RPH3AL: variants seen among roughly 807,000 people sequenced by gnomAD.
RPH3AL encodes the protein rab effector Noc2.
Under a neutral mutation model 43.1 loss-of-function variants are expected in RPH3AL, and 38 were observed. The observed-to-expected ratio is 0.88, with a 90% CI of 0.68 to 1.15. The LOEUF (loss-of-function observed/expected upper bound fraction) is 1.15, where lower values mean the gene tolerates loss of function less well. RPH3AL is among the 50% of genes most tolerant of loss of function. The pLI, the probability that RPH3AL is intolerant of heterozygous loss-of-function variation, is 0.00. For synonymous variants in RPH3AL, 189 were observed against 176.3 expected, an observed-to-expected ratio of 1.07 and a Z score of -0.57; for missense variants, 462 against 423.2, an observed-to-expected ratio of 1.09 and a Z score of -0.81.
In RPH3AL at chr17:248,133, G is replaced by A. The variant is rs115005844; in HGVS notation, c.439-848C>T. 3.4e-3 allele frequency among the ~76,000 whole-genome samples: 520 copies of A among 152,210 alleles called. 4 individuals are homozygous for A. Among genetic ancestry groups the A allele is most frequent in the African/African-American group, 0.012 (494 of 41,542 alleles). On this transcript the variant is annotated intron_variant, in intron 6 of 9. Transcript: ENST00000331302. ...CGTGTACCTGCAGACACCTCCTCCTGCCCCCAGCTCTCCTTGGTGCCATGC... is the reference window on the plus strand; with the variant it reads ...CGTGTACCTGCAGACACCTCCTCCTACCCCCAGCTCTCCTTGGTGCCATGC...
intron 7 of RPH3AL, among the ~76,000 whole-genome samples, chr17:243,307 T>C (rs1460996831): frequency 7.1e-6 from 1 of 140,568 alleles, no homozygotes. Flanking sequence ...TTACCTTTCC[T>C]CTACTGATTA....
chr17:271,319 AT>A (rs1290867233), intron 6 of RPH3AL, among the ~76,000 whole-genome samples: 1 of 152,230 alleles, frequency 6.6e-6, no homozygotes, highest in African/African-American at 2.4e-5. Context: ...GAAGAAAGTC[AT>A]TGGTAGCCTG....
chr17:262,273 C>T (rs905700260), intron 6 of RPH3AL, among the ~76,000 whole-genome samples: 3 of 152,080 alleles, frequency 2.0e-5, no homozygotes, highest in Non-Finnish European at 4.4e-5. Context: ...GGCTGGAGTG[C>T]AGCGGCACAA....
At chr17:262,506 A>AC (rs1429621337) in intron 6 of RPH3AL, among the ~76,000 whole-genome samples, 1 of 149,206 alleles carries the variant, frequency 6.7e-6, no homozygotes, top group Non-Finnish European at 1.5e-5. Context: ...GAGCCACCGC[A>AC]CCCGGCCAAC....
At position 242,487 on chromosome 17, in the gene RPH3AL, C is replaced by T. The variant is rs1555537338; in HGVS notation, c.613+4624G>A. On this transcript the variant is annotated intron_variant, in intron 7 of 9. Coordinates refer to ENST00000331302, the MANE Select transcript of RPH3AL (RefSeq NM_006987.4). ...TCTATTGACTACCTTCCTCTATTGA[C>T]TACCTTCCTCTATTGACTACCTTCC... 3.6e-4 allele frequency among the ~76,000 whole-genome samples: 8 copies of T among 22,336 alleles called. 1 individual carries two copies. The highest frequency in any genetic ancestry group is 1.3e-3 in the African/African-American group (6 of 4,522). The allele number at this position is 22,336 out of a possible 152,430, so 14.7% of individuals were successfully genotyped here.
chr17:259,473 T>C lies in RPH3AL; in HGVS notation c.439-12188A>G, dbSNP rs1188419595. ...CTTCTGCTCTGTGCATCTGGGCCTGTCACCCGCTGCCTGGCATCCACATCT... is the reference window on the plus strand; with the variant it reads ...CTTCTGCTCTGTGCATCTGGGCCTGCCACCCGCTGCCTGGCATCCACATCT... On this transcript the variant is annotated intron_variant, in intron 6 of 9. Coordinates refer to ENST00000331302, the MANE Select transcript of RPH3AL (RefSeq NM_006987.4). Among the ~76,000 whole-genome samples the C allele has an allele frequency of 2.0e-5, 3 of 152,118 alleles. No homozygotes were observed. In the East Asian group the frequency reaches 5.8e-4, roughly 29 times the overall value.
chr17:259,721 G>T (rs961769512), intron 6 of RPH3AL, among the ~76,000 whole-genome samples: 5 of 152,212 alleles, frequency 3.3e-5, no homozygotes, highest in Non-Finnish European at 5.9e-5. Context: ...GGCGGTGGCC[G>T]GGGTGTCCGG....
chr17:230,933 G>A (rs143865226), intron 7 of RPH3AL, among the ~76,000 whole-genome samples: 129 of 152,264 alleles, frequency 8.5e-4, no homozygotes, highest in African/African-American at 2.4e-3. Context: ...GGATCCACCC[G>A]CCTTGGCCTC....
At chr17:272,985 T>TACGTCAGGGAGAGACCCCAGCGAGGGCG (rs2042528269) in intron 6 of RPH3AL, among the ~76,000 whole-genome samples, 1 of 36,360 alleles carries the variant, frequency 2.8e-5, no homozygotes, top group African/African-American at 8.8e-5. Context: ...CAGCAAGGGC[T>TACGTCAGGGAGAGACCCCAGCGAGGGCG]ACGTCAGGGT....
At chr17:284,883 G>C (rs979791716) in intron 5 of RPH3AL, among the ~76,000 whole-genome samples, 9 of 152,300 alleles carry the variant, frequency 5.9e-5, no homozygotes, top group African/African-American at 1.9e-4. Context: ...GCTCTTCCTG[G>C]CGTACAGACG....
chr17:320,913 G>A (rs1262868553), intron 4 of RPH3AL, among the ~76,000 whole-genome samples: 1 of 152,214 alleles, frequency 6.6e-6, no homozygotes, highest in Non-Finnish European at 1.5e-5. Flanking sequence ...GGGGCGACCT[G>A]TGGCTTGGCC....
intron 6 of RPH3AL, chr17:261,857 A>C (rs1011935915): frequency 6.6e-6 from 1 of 152,218 alleles, no homozygotes; most frequent in East Asian, 1.9e-4. Flanking sequence ...GCTGAGGGGA[A>C]GTTCCCGGAA....
intron 6 of RPH3AL, among the ~76,000 whole-genome samples, chr17:256,101 G>C (rs2042044726): frequency 2.2e-4 from 3 of 13,710 alleles, no homozygotes; most frequent in African/African-American, 3.7e-4. Context: ...ACTACCCTAC[G>C]TACTTCCTAT....
intron 6 of RPH3AL, among the ~76,000 whole-genome samples, chr17:260,266 A>G (rs187308662): frequency 6.6e-6 from 1 of 152,322 alleles, no homozygotes; most frequent in East Asian, 1.9e-4. Flanking sequence ...TTCATGCAGA[A>G]TCAGGGCCCC....
intron 5 of RPH3AL, among the ~76,000 whole-genome samples, chr17:299,623 G>T (rs1213269445): frequency 1.3e-5 from 2 of 152,222 alleles, no homozygotes; most frequent in Non-Finnish European, 2.9e-5. Flanking sequence ...TGTCCCAGCG[G>T]GAAGCACAGG....
chr17:220,642 T>C (rs375600244), intron 7 of RPH3AL, among the ~76,000 whole-genome samples: 1 of 94,560 alleles, frequency 1.1e-5, no homozygotes, highest in Non-Finnish European at 2.1e-5. Context: ...ACATCAGCTC[T>C]GAGGCCTCCA....
intron 5 of RPH3AL, among the ~76,000 whole-genome samples, chr17:308,524 A>G (rs1198211965): frequency 1.3e-5 from 2 of 152,272 alleles, no homozygotes; most frequent in Non-Finnish European, 2.9e-5. Flanking sequence ...ATTGTTCACA[A>G]TAGCTGCAAC....
rs1231185054 is a variant in RPH3AL at position 323,035 on chromosome 17, C to T, written c.78-1620G>A. On this transcript the variant is annotated intron_variant, in intron 3 of 9. Transcript: ENST00000331302. This position sits in a 1 kb window ranked among gnomAD's most constrained non-coding sequence, Gnocchi z 4.4. Reference sequence around the variant, plus strand: ...TAAGGTGCTTTTACATAGCAAATTCCCAATTGCCTGCAAATGGTCGTTAAT... The same window carrying T: ...TAAGGTGCTTTTACATAGCAAATTCTCAATTGCCTGCAAATGGTCGTTAAT... Among the ~76,000 whole-genome samples, 1 of 152,026 alleles carries T rather than the reference C, an allele frequency of 6.6e-6. No individual in the cohort carries two copies. Among genetic ancestry groups the T allele is most frequent in the Non-Finnish European group, 1.5e-5 (1 of 68,014 alleles).
chr17:316,714 C>A (rs1388471903), intron 5 of RPH3AL, among the ~76,000 whole-genome samples: 6 of 151,058 alleles, frequency 4.0e-5, no homozygotes, highest in South Asian at 2.1e-4. Context: ...CCTGTAGTCT[C>A]TGTGCCCCAC....
Sources: allele counts gnomAD v4.1 joint callset (sites outside exome capture counted in the v4.1 genomes callset), GRCh38; gene constraint gnomAD v4.1.1; non-coding constraint Gnocchi (gnomAD v3.1); transcripts MANE v1.5; gene names NCBI Gene and HGNC (gene_info 2026-07-23, HGNC 2026-07-21).